Variants in ADAMTS6 observed in about 807,000 individuals in gnomAD.
The protein encoded by ADAMTS6 is A disintegrin and metalloproteinase with thrombospondin motifs 6.
ADAMTS6 carries 23 observed loss-of-function variants against 144.3 expected under a neutral mutation model. The ratio of observed to expected loss-of-function variants is 0.16; its 90% CI spans 0.11 to 0.23. The LOEUF is 0.23. Ranked by LOEUF, ADAMTS6 falls within the 10% of genes least tolerant of loss-of-function variation. ADAMTS6 has a pLI of 1.00. For missense variants in ADAMTS6, 999 were observed against 1,379.6 expected (o/e 0.72, Z 4.37); for synonymous variants, 444 against 457.5 (o/e 0.97, Z 0.38).
At chr5:65,236,775 G>A (rs1029361232) in intron 15 of ADAMTS6, among the ~76,000 whole-genome samples, 13 of 151,856 alleles carry the variant, frequency 8.6e-5, no homozygotes, top group Admixed American at 3.3e-4. Context: ...GTAAAAGAGC[G>A]AAAGAAACTG....
chr5:65,465,742 A>G (rs1759945887), intron 3 of ADAMTS6, among the ~76,000 whole-genome samples: 1 of 152,160 alleles, frequency 6.6e-6, no homozygotes, highest in South Asian at 2.1e-4. Context: ...TCCTCTTGAA[A>G]TATTTCCTTC....
intron 15 of ADAMTS6, among the ~76,000 whole-genome samples, chr5:65,229,562 A>C (rs984317470): frequency 6.6e-6 from 1 of 152,224 alleles, no homozygotes; most frequent in African/African-American, 2.4e-5. Context: ...ATGAAATCAG[A>C]AAAACAATAC....
At chr5:65,253,185 C>T (rs1389978518) in intron 14 of ADAMTS6, among the ~76,000 whole-genome samples, 1 of 152,128 alleles carries the variant, frequency 6.6e-6, no homozygotes, top group East Asian at 1.9e-4. Context: ...AGCCATGGTA[C>T]CCAGCCAATT....
At chr5:65,316,489 T>C (rs1476032191) in intron 9 of ADAMTS6, among the ~76,000 whole-genome samples, 3 of 152,148 alleles carry the variant, frequency 2.0e-5, no homozygotes, top group Non-Finnish European at 2.9e-5. Flanking sequence ...TAGTTATATC[T>C]GTAATTACAT....
At chr5:65,390,616 G>A (rs747025248) in intron 7 of ADAMTS6, among the ~76,000 whole-genome samples, 1 of 152,150 alleles carries the variant, frequency 6.6e-6, no homozygotes, top group Non-Finnish European at 1.5e-5. Context: ...AAAGACAATA[G>A]TTTAGGTCCT....
intron 14 of ADAMTS6, among the ~76,000 whole-genome samples, chr5:65,253,004 C>T (rs953032501): frequency 2.0e-5 from 3 of 152,122 alleles, no homozygotes; most frequent in African/African-American, 7.2e-5. Flanking sequence ...CCTCCCATTT[C>T]AGCCTCCCAA....
chr5:65,466,474 A>T (rs1418440206), intron 3 of ADAMTS6, among the ~76,000 whole-genome samples: 2 of 151,994 alleles, frequency 1.3e-5, no homozygotes, highest in African/African-American at 4.8e-5. Flanking sequence ...TTATTTATTT[A>T]TCTTTTTGTG....
chr5:65,250,774 T>C lies in ADAMTS6; in HGVS notation c.1831-8568A>G, dbSNP rs574968614. Among the ~76,000 whole-genome samples, 3 of 152,300 alleles carry C rather than the reference T, an allele frequency of 2.0e-5. No homozygotes were observed. The East Asian group carries it at 5.8e-4, about 29-fold the overall frequency. On this transcript the variant is annotated intron_variant, in intron 14 of 24. Transcript: ENST00000381055. ...TAAGAAAAATACAAAGATCATTTTGTTTTTGGAAAACAACTAAGCACCAGG... is the reference window on the plus strand; with the variant it reads ...TAAGAAAAATACAAAGATCATTTTGCTTTTGGAAAACAACTAAGCACCAGG...
intron 7 of ADAMTS6, among the ~76,000 whole-genome samples, chr5:65,395,369 T>C (rs1467992826): frequency 1.3e-5 from 2 of 152,164 alleles, no homozygotes; most frequent in African/African-American, 4.8e-5. Flanking sequence ...TCAAAGTCCT[T>C]TAAGGTTTGA....
chr5:65,409,858 A>G (rs1029747618), intron 7 of ADAMTS6, among the ~76,000 whole-genome samples: 1 of 152,236 alleles, frequency 6.6e-6, no homozygotes, highest in Non-Finnish European at 1.5e-5. Context: ...CAAATCAATA[A>G]ACGTAATCCA....
intron 7 of ADAMTS6, among the ~76,000 whole-genome samples, chr5:65,391,218 C>T (rs1752885222): frequency 1.3e-5 from 2 of 151,920 alleles, no homozygotes; most frequent in East Asian, 1.9e-4. Flanking sequence ...CGAAGCCTGG[C>T]CTTGTTTGTT....
At chr5:65,166,208 CA>C (rs1302033134) in intron 24 of ADAMTS6, among the ~76,000 whole-genome samples, 2 of 143,582 alleles carry the variant, frequency 1.4e-5, no homozygotes, top group Admixed American at 1.4e-4. Context: ...AAATGGAAAA[CA>C]AAAAAATGCA....
At chr5:65,191,803 T>A (rs1755031412) in intron 21 of ADAMTS6, among the ~76,000 whole-genome samples, 1 of 152,122 alleles carries the variant, frequency 6.6e-6, no homozygotes, top group Non-Finnish European at 1.5e-5. Flanking sequence ...TCTAAATTTT[T>A]AAAAATCAAC....
rs1185437887 is a variant in ADAMTS6 at position 65,275,893 on chromosome 5, T to C, written c.1513-2446A>G. Among the ~76,000 whole-genome samples, 6 of 152,098 alleles carry C rather than the reference T, an allele frequency of 3.9e-5. No homozygotes were observed. The South Asian group carries it at 6.2e-4, about 16-fold the overall frequency. ...TTAATAGAGATTAATATAAAGATTA[T>C]GAAAAATTTTCATCCATAGTCCTGG... On this transcript the variant is annotated intron_variant, in intron 11 of 24. Transcript: ENST00000381055.
chr5:65,385,069 C>A (rs1752379450), intron 7 of ADAMTS6, among the ~76,000 whole-genome samples: 1 of 152,196 alleles, frequency 6.6e-6, no homozygotes, highest in Non-Finnish European at 1.5e-5. Context: ...TCTGCCCTCA[C>A]TATTCACTTC....
chr5:65,261,892 T>C (rs761354809), intron 13 of ADAMTS6, among the ~76,000 whole-genome samples: 1 of 151,152 alleles, frequency 6.6e-6, no homozygotes, highest in Non-Finnish European at 1.5e-5. Flanking sequence ...GATCCTGAGT[T>C]AAAAATGGAG....
chr5:65,240,120 T>C (rs1759044025), intron 15 of ADAMTS6, among the ~76,000 whole-genome samples: 1 of 151,602 alleles, frequency 6.6e-6, no homozygotes, highest in Admixed American at 6.6e-5. Flanking sequence ...CACAGCAGAA[T>C]GGAAAAACTG....
chr5:65,401,815 T>A (rs531323391), intron 7 of ADAMTS6, among the ~76,000 whole-genome samples: 1 of 152,304 alleles, frequency 6.6e-6, no homozygotes, highest in East Asian at 1.9e-4. Context: ...ACTGTTAGGA[T>A]AGAGTGGCAA....
At chr5:65,275,473 A>C in intron 11 of ADAMTS6, among the ~76,000 whole-genome samples, 1 of 151,408 alleles carries the variant, frequency 6.6e-6, no homozygotes, top group Non-Finnish European at 1.5e-5. Context: ...AAAGAGAAAG[A>C]AAGGGATCAT....
Sources: allele counts gnomAD v4.1 joint callset (sites outside exome capture counted in the v4.1 genomes callset), GRCh38; gene constraint gnomAD v4.1.1; transcripts MANE v1.5; gene names NCBI Gene and HGNC (gene_info 2026-07-23, HGNC 2026-07-21).